The following ETNPPL variants were observed in gnomAD, a reference collection of about 807,000 sequenced individuals.
The protein encoded by ETNPPL is alanine--glyoxylate aminotransferase 2-like 1.
In ETNPPL, 30 loss-of-function variants were observed where a neutral mutation model predicts 55.5. The observed-to-expected ratio is 0.54, with a 90% CI of 0.40 to 0.73. The LOEUF is 0.73. ETNPPL is among the 30% of genes least tolerant of loss of function. The pLI, the probability that ETNPPL is intolerant of heterozygous loss-of-function variation, is 0.00. For missense variants in ETNPPL, 528 were observed against 607.9 expected (o/e 0.87, Z 1.38); for synonymous variants, 202 against 207.2 (o/e 0.98, Z 0.21).
At chr4:108,747,148 AATATATATATATATAT>A (rs1728578647) in intron 9 of ETNPPL, among the ~76,000 whole-genome samples, 13 of 35,420 alleles carry the variant, frequency 3.7e-4, no homozygotes, top group African/African-American at 2.7e-3. Flanking sequence ...ATATATATAT[AATATATATATATATAT>A]TATATATATA....
chr4:108,749,822 C>T (rs1189942865), intron 7 of ETNPPL, among the ~76,000 whole-genome samples: 4 of 152,148 alleles, frequency 2.6e-5, no homozygotes, highest in Non-Finnish European at 5.9e-5. Flanking sequence ...ATCCTCCCAC[C>T]TCAGCCTCCC....
At chr4:108,752,234 A>G (rs1224641375) in intron 6 of ETNPPL, among the ~76,000 whole-genome samples, 1 of 152,154 alleles carries the variant, frequency 6.6e-6, no homozygotes, top group African/African-American at 2.4e-5. Flanking sequence ...TTTTTTTAAA[A>G]TAGCCAAGTC....
At chr4:108,753,471 G>A (rs1729009601) in intron 5 of ETNPPL, among the ~76,000 whole-genome samples, 1 of 152,128 alleles carries the variant, frequency 6.6e-6, no homozygotes, top group African/African-American at 2.4e-5. Flanking sequence ...GCCAGGCGCG[G>A]TGGCTCACGT....
intron 11 of ETNPPL, 55 bp downstream of exon 11, chr4:108,746,344 A>AG: frequency 1.3e-6 from 2 of 1,541,282 alleles, no homozygotes; most frequent in South Asian, 2.5e-5. Flanking sequence ...CCAGGGTTTG[A>AG]GGGGTGGGTT....
chr4:108,752,535 G>T (rs1728963189), intron 6 of ETNPPL, among the ~76,000 whole-genome samples: 1 of 152,142 alleles, frequency 6.6e-6, no homozygotes, highest in East Asian at 1.9e-4. Context: ...TCCCTTGTGG[G>T]TCTGGAAATC....
intron 4 of ETNPPL, among the ~76,000 whole-genome samples, chr4:108,756,087 T>C (rs1231282965): frequency 6.6e-6 from 1 of 152,206 alleles, no homozygotes; most frequent in East Asian, 1.9e-4. Context: ...GTATTCTTAT[T>C]TGGAAAACAA....
rs1280862163 is a variant in ETNPPL at position 108,748,115 on chromosome 4, C to T, written c.972G>A (p.Leu324=). Residue 324 remains leucine, a synonymous_variant, in exon 9 of 13, where the codon CTG becomes CTA. Transcript: ENST00000296486. The part of the protein sequence containing the change: ...PVSCAVGLAV[L]DIIENEDLQG... ...GAAGGTCTTCATTTTCAATTATATC[C>T]AGGACAGCCAAACCAACAGCACAAG... 2 of 1,609,912 alleles carry T rather than the reference C, an allele frequency of 1.2e-6. No homozygotes were observed. The highest frequency in any genetic ancestry group is 1.1e-5 in the South Asian group (1 of 90,358).
chr4:108,753,795 A>AT (rs1483592094), intron 5 of ETNPPL, among the ~76,000 whole-genome samples: 1 of 121,332 alleles, frequency 8.2e-6, no homozygotes, highest in East Asian at 3.1e-4. Flanking sequence ...AAAGAAAGAA[A>AT]GAAAGAAAGA....
rs1242164454 is a variant in ETNPPL, at chr4:108,759,880, T to A, written c.204A>T (p.Lys68Asn). ...GCAGTTCCATCTGTTTCAGGGCAGCTTTGACCACTCCTGGGTGACAGTGTC... is the reference window on the plus strand; with the variant it reads ...GCAGTTCCATCTGTTTCAGGGCAGCATTGACCACTCCTGGGTGACAGTGTC... ...HVGHCHPGVV[K>N]AALKQMELLN... Residue 68 changes from lysine (K) to asparagine (N), a missense_variant, in exon 3 of 13, where the codon AAA becomes AAT. Transcript: ENST00000296486. 2 of 1,614,080 alleles carry A rather than the reference T, an allele frequency of 1.2e-6. No individual in the cohort carries two copies. Among genetic ancestry groups the A allele is most frequent in the African/African-American group, 1.3e-5 (1 of 74,924 alleles).
chr4:108,762,531 T>C (rs981539125), intron 1 of ETNPPL: 2 of 668,654 alleles, frequency 3.0e-6, no homozygotes, highest in East Asian at 2.8e-5. Flanking sequence ...CCTGGAATGG[T>C]GTCTGCTAGG....
intron 6 of ETNPPL, among the ~76,000 whole-genome samples, chr4:108,752,399 T>C (rs988385174): frequency 6.6e-6 from 1 of 152,196 alleles, no homozygotes; most frequent in Non-Finnish European, 1.5e-5. Flanking sequence ...CTCAAGGATT[T>C]TGTTTCTGTC....
chr4:108,746,003 C>A (rs892054386), intron 11 of ETNPPL, among the ~76,000 whole-genome samples: 7 of 151,518 alleles, frequency 4.6e-5, no homozygotes, highest in Non-Finnish European at 7.4e-5. Flanking sequence ...ACACTGTAGC[C>A]TATATAATTT....
At chr4:108,762,679 C>A in intron 1 of ETNPPL, 164 bp downstream of exon 1, 1 of 834,034 alleles carries the variant, frequency 1.2e-6, no homozygotes, top group Non-Finnish European at 2.1e-6. Flanking sequence ...TGGGAGTCCG[C>A]GCGGCCCCTG....
rs1560652705 is a variant in ETNPPL, at chr4:108,749,312, G to T, written c.853C>A (p.Pro285Thr). 6.2e-7 allele frequency: 1 copy of T among 1,614,022 alleles called. No individual in the cohort carries two copies. The highest frequency in any genetic ancestry group is 2.2e-5 in the East Asian group (1 of 44,868). ...TTGGTTGTTACCACACATGCCACCGGGTGGCCGTTGCCCATCGGTTTTCCC... is the reference window on the plus strand; with the variant it reads ...TTGGTTGTTACCACACATGCCACCGTGTGGCCGTTGCCCATCGGTTTTCCC... ...TMGKPMGNGH[P>T]VACVVTTKEI... Residue 285 changes from proline to threonine, a missense_variant, in exon 8 of 13, where the codon CCG becomes ACG. Pro to Thr is a conservative substitution (Grantham distance 38, BLOSUM62 -1). Coordinates refer to ENST00000296486, the MANE Select transcript of ETNPPL (RefSeq NM_031279.4).
At chr4:108,756,267 T>G in intron 4 of ETNPPL, 151 bp downstream of exon 4, 1 of 544,832 alleles carries the variant, frequency 1.8e-6, no homozygotes, top group Admixed American at 3.0e-5. Flanking sequence ...CTGGCCTTGA[T>G]AGCTTAATAC....
At chr4:108,761,264 T>C (rs1033656247) in intron 1 of ETNPPL, among the ~76,000 whole-genome samples, 1 of 152,154 alleles carries the variant, frequency 6.6e-6, no homozygotes, top group African/African-American at 2.4e-5. Context: ...CTCACACACA[T>C]TGGAGGTAGT....
chr4:108,746,039 A>C (rs1193337306), intron 11 of ETNPPL, among the ~76,000 whole-genome samples: 2 of 152,080 alleles, frequency 1.3e-5, no homozygotes, highest in African/African-American at 4.8e-5. Context: ...TTCATGTATT[A>C]ATCACACAAT....
At chr4:108,749,048 A>C (rs1728760838) in intron 8 of ETNPPL, among the ~76,000 whole-genome samples, 190 bp downstream of exon 8, 1 of 152,134 alleles carries the variant, frequency 6.6e-6, no homozygotes, top group Admixed American at 6.6e-5. Flanking sequence ...TGTATCCCAG[A>C]ACTTAAAGTA....
At chr4:108,750,247 A>G (rs1054503961) in intron 7 of ETNPPL, among the ~76,000 whole-genome samples, 2 of 152,154 alleles carry the variant, frequency 1.3e-5, no homozygotes, top group African/African-American at 2.4e-5. Context: ...AAGCAGATCC[A>G]TGCTTAATCT....
Sources: gnomAD v4.1 joint callset for allele counts (sites outside exome capture counted in the v4.1 genomes callset) on GRCh38, gnomAD v4.1.1 for gene constraint, MANE v1.5 for transcripts, NCBI Gene and HGNC (gene_info 2026-07-23, HGNC 2026-07-21) for gene names.